CCDC57: variants seen among roughly 807,000 people sequenced by gnomAD.
CCDC57 encodes the protein coiled-coil domain-containing protein 57.
Under a neutral mutation model 118.9 loss-of-function variants are expected in CCDC57, and 118 were observed. The ratio of observed to expected loss-of-function variants is 0.99; its 90% CI spans 0.86 to 1.16. CCDC57 has a LOEUF of 1.16. Among genes scored for constraint, CCDC57 ranks in the 50% most tolerant of loss-of-function variants. The probability of loss-of-function intolerance (pLI) is 0.00; values close to 1 mark genes in which losing one functional copy is unlikely to be tolerated. For missense variants in CCDC57, 1,300 were observed against 1,320.7 expected, an observed-to-expected ratio of 0.98 and a Z score of 0.24; for synonymous variants, 527 against 532.9, an observed-to-expected ratio of 0.99 and a Z score of 0.15.
At chr17:82,114,520 G>C (rs181643911) in intron 19 of CCDC57, among the ~76,000 whole-genome samples, 2 of 152,350 alleles carry the variant, frequency 1.3e-5, no homozygotes, top group East Asian at 3.9e-4. Flanking sequence ...AAAAGCACAG[G>C]ACCCCAGGCA....
intron 16 of CCDC57, among the ~76,000 whole-genome samples, chr17:82,138,719 G>GTCGGAAGAGACGCGTGGCCTGCC (rs1300285377): frequency 1.2e-4 from 18 of 151,718 alleles, no homozygotes; most frequent in Admixed American, 2.0e-4. Context: ...CCTGCCCCGG[G>GTCGGAAGAGACGCGTGGCCTGCC]CTGTGTGTGT....
intron 15 of CCDC57, among the ~76,000 whole-genome samples, chr17:82,152,611 A>G (rs562547458): frequency 6.6e-6 from 1 of 152,354 alleles, no homozygotes; most frequent in East Asian, 1.9e-4. Context: ...GGCACAGGAA[A>G]AAGCAGTAGT....
intron 3 of CCDC57, among the ~76,000 whole-genome samples, chr17:82,198,992 CAAAAAAAAAA>C (rs34649384): frequency 1.1e-5 from 1 of 87,588 alleles, no homozygotes. Flanking sequence ...GACTCCATCT[CAAAAAAAAAA>C]AAAAAAAGAA....
chr17:82,123,278 C>A (rs949175890), intron 19 of CCDC57, among the ~76,000 whole-genome samples: 6 of 148,080 alleles, frequency 4.1e-5, no homozygotes, highest in African/African-American at 1.5e-4. Context: ...CAGGCATGAA[C>A]CAGTGTGCCC....
chr17:82,112,299 C>T (rs1490721191), intron 19 of CCDC57: 1 of 152,310 alleles, frequency 6.6e-6, no homozygotes, highest in Non-Finnish European at 1.5e-5. Context: ...TGCAGTTTCT[C>T]AGGCAGGTTC....
chr17:82,128,014 G>A, intron 18 of CCDC57, 106 bp from the exon 18 acceptor site: 1 of 1,467,914 alleles, frequency 6.8e-7, no homozygotes, highest in Non-Finnish European at 9.1e-7. Context: ...CAGTGGGCCT[G>A]GCTTAAAGGC....
intron 2 of CCDC57, among the ~76,000 whole-genome samples, chr17:82,206,731 C>T (rs1010676793): frequency 3.9e-5 from 6 of 152,318 alleles, no homozygotes; most frequent in African/African-American, 1.2e-4. Context: ...TGTGGGAACC[C>T]CAACTTGAAG....
At chr17:82,183,120 TG>T (rs966220398) in intron 9 of CCDC57, among the ~76,000 whole-genome samples, 3 of 151,914 alleles carry the variant, frequency 2.0e-5, no homozygotes, top group African/African-American at 4.8e-5. Flanking sequence ...AGATTAGATT[TG>T]GGGGGGGACA....
At chr17:82,131,248 T>C (rs977922414) in intron 17 of CCDC57, among the ~76,000 whole-genome samples, 1 of 145,324 alleles carries the variant, frequency 6.9e-6, no homozygotes, top group African/African-American at 2.5e-5. Flanking sequence ...CTGGGCAACA[T>C]GGCAAAACCT....
Position 82,182,358 on chromosome 17 carries a change from C to CT in CCDC57, c.1211+1415dup, listed in dbSNP as rs1252818782. The stretch of plus-strand genomic sequence containing the variant: ...GTTTCTTTCAGCATTGGTACTTTTC[C>CT]TTTTTTTTTTTTTGAGACCCAGTCT... On this transcript the variant is annotated intron_variant, in intron 9 of 19. Transcript: ENST00000665763. Among the ~76,000 whole-genome samples, 304 of 142,934 alleles carry CT rather than the reference C, an allele frequency of 2.1e-3. 1 individual carries two copies. Among genetic ancestry groups the CT allele is most frequent in the African/African-American group, 5.5e-3 (214 of 39,254 alleles). 93.8% of individuals were successfully genotyped at this position (142,934 alleles called of 152,430 possible).
At chr17:82,205,995 C>G (rs2049580775) in intron 2 of CCDC57, among the ~76,000 whole-genome samples, 1 of 152,238 alleles carries the variant, frequency 6.6e-6, no homozygotes, top group Non-Finnish European at 1.5e-5. Context: ...TTCAAAAGCA[C>G]GGACTCAGCA....
exon 19 of CCDC57, chr17:82,127,894 G>A: frequency 6.2e-7 from 1 of 1,612,416 alleles, no homozygotes; most frequent in South Asian, 1.1e-5. Flanking sequence ...TCACCGTGTG[G>A]ATGCTGTGTT....
At chr17:82,117,989 G>A (rs1241649210) in intron 19 of CCDC57, among the ~76,000 whole-genome samples, 1 of 152,158 alleles carries the variant, frequency 6.6e-6, no homozygotes, top group African/African-American at 2.4e-5. Context: ...ACGACAGGCC[G>A]TCCAAGTGTC....
chr17:82,107,677 C>T (rs1167722252), intron 19 of CCDC57: 2 of 454,108 alleles, frequency 4.4e-6, no homozygotes, highest in East Asian at 1.4e-4. Flanking sequence ...CCCTGCTGTC[C>T]AACAGCTGCA....
chr17:82,156,132 C>G (rs1319880724), intron 15 of CCDC57: 4 of 152,040 alleles, frequency 2.6e-5, no homozygotes, highest in African/African-American at 9.7e-5. Flanking sequence ...CCTGTCTCTA[C>G]TGAAAACACA....
chr17:82,111,474 GCTCAAACGATACTCCTGCCCCAGC>G (rs930153832), intron 19 of CCDC57, among the ~76,000 whole-genome samples: 20 of 151,368 alleles, frequency 1.3e-4, no homozygotes, highest in African/African-American at 4.9e-4. Flanking sequence ...AACCTCCCGG[GCTCAAACGATACTCCTGCCCCAGC>G]CTCCCAAGCA....
intron 9 of CCDC57, 38 bp downstream of exon 8, chr17:82,183,736 G>A: frequency 6.5e-7 from 1 of 1,542,780 alleles, no homozygotes; most frequent in Non-Finnish European, 8.8e-7. Flanking sequence ...CTGCCCATAG[G>A]AGACCCTCAA....
intron 2 of CCDC57, among the ~76,000 whole-genome samples, chr17:82,207,356 AAAG>A (rs1295113682): frequency 1.3e-5 from 2 of 152,012 alleles, no homozygotes; most frequent in Non-Finnish European, 2.9e-5. Context: ...AAAAAACAAA[AAAG>A]AAATTATGGT....
chr17:82,105,723 C>T lies in CCDC57; in HGVS notation c.2900-3857G>A, dbSNP rs114974675. Among the ~76,000 whole-genome samples, 1,492 of 152,294 alleles carry T rather than the reference C, an allele frequency of 9.8e-3. 23 individuals are homozygous for T. The highest frequency in any genetic ancestry group is 0.035 in the African/African-American group (1,434 of 41,550). On this transcript the variant is annotated intron_variant, in intron 19 of 19. Coordinates refer to ENST00000665763, the Ensembl canonical transcript of CCDC57. ...TGGGGTACAGGGGGAGGGAGGCCCACGTGATCTGGTTCCCACGGTCCCTCC... is the reference window on the plus strand; with the variant it reads ...TGGGGTACAGGGGGAGGGAGGCCCATGTGATCTGGTTCCCACGGTCCCTCC...
Sources: allele counts gnomAD v4.1 joint callset (sites outside exome capture counted in the v4.1 genomes callset), GRCh38; gene constraint gnomAD v4.1.1; transcripts MANE v1.5; gene names NCBI Gene and HGNC (gene_info 2026-07-23, HGNC 2026-07-21).